The following TAFA1 variants were observed in gnomAD, a reference collection of about 807,000 sequenced individuals.
TAFA1 encodes the protein chemokine-like protein TAFA-1.
A neutral mutation model predicts 18.5 loss-of-function variants in TAFA1; 4 were observed. The ratio of observed to expected loss-of-function variants is 0.22; its 90% CI spans 0.11 to 0.49. The LOEUF is 0.49. TAFA1 is among the 20% of genes least tolerant of loss of function. The pLI is 0.98. For missense variants in TAFA1, 147 were observed against 169.0 expected (o/e 0.87, Z 0.72); for synonymous variants, 56 against 55.2 (o/e 1.01, Z -0.06).
intron 2 of TAFA1, among the ~76,000 whole-genome samples, chr3:68,415,081 G>T (rs1036058266): frequency 1.3e-5 from 2 of 152,140 alleles, no homozygotes; most frequent in African/African-American, 4.8e-5. Flanking sequence ...GAATCCCAGT[G>T]TCGTGCATGG....
At chr3:68,065,685 A>AGAC (rs1553708626) in intron 2 of TAFA1, among the ~76,000 whole-genome samples, 1 of 151,840 alleles carries the variant, frequency 6.6e-6, no homozygotes, top group Non-Finnish European at 1.5e-5. Context: ...GTAGATATAG[A>AGAC]GACGACATAT....
At chr3:68,070,143 A>G (rs914816993) in intron 2 of TAFA1, among the ~76,000 whole-genome samples, 1 of 152,240 alleles carries the variant, frequency 6.6e-6, no homozygotes, top group African/African-American at 2.4e-5. Flanking sequence ...CTGCATTAGC[A>G]GAGGTTTTCC....
chr3:68,018,470 T>C (rs1013508647), intron 2 of TAFA1, among the ~76,000 whole-genome samples: 1 of 152,198 alleles, frequency 6.6e-6, no homozygotes, highest in Non-Finnish European at 1.5e-5. Context: ...TACAACAAAC[T>C]TAATATTTAT....
intron 3 of TAFA1, among the ~76,000 whole-genome samples, chr3:68,457,392 C>T (rs572141464): frequency 6.6e-6 from 1 of 152,266 alleles, no homozygotes; most frequent in African/African-American, 2.4e-5. Context: ...CATGACATAA[C>T]TTTCTTAACA....
chr3:68,474,866 A>G (rs1181048199), intron 3 of TAFA1, among the ~76,000 whole-genome samples: 1 of 152,214 alleles, frequency 6.6e-6, no homozygotes, highest in African/African-American at 2.4e-5. Context: ...TTTGACTACC[A>G]GGACAAAGTT....
chr3:68,031,689 T>C (rs1704938266), intron 2 of TAFA1, among the ~76,000 whole-genome samples: 1 of 152,160 alleles, frequency 6.6e-6, no homozygotes, highest in Non-Finnish European at 1.5e-5. Context: ...GATTAATACA[T>C]GAAACAAGCA....
intron 2 of TAFA1, among the ~76,000 whole-genome samples, chr3:68,309,661 T>C (rs1361756349): frequency 6.6e-6 from 1 of 152,254 alleles, no homozygotes; most frequent in African/African-American, 2.4e-5. Flanking sequence ...TTTAGGATTT[T>C]GTTGGCAGTG....
At chr3:68,303,540 A>C (rs1488553786) in intron 2 of TAFA1, among the ~76,000 whole-genome samples, 1 of 152,068 alleles carries the variant, frequency 6.6e-6, no homozygotes, top group African/African-American at 2.4e-5. Flanking sequence ...TGCCAGGTTC[A>C]CGCCATTCTC....
At chr3:68,038,871 C>G (rs368577054) in intron 2 of TAFA1, among the ~76,000 whole-genome samples, 10 of 152,086 alleles carry the variant, frequency 6.6e-5, no homozygotes, top group African/African-American at 2.4e-4. Context: ...ATGCATAACT[C>G]TATGTGAGTG....
At chr3:68,429,448 C>T (rs9852451) in intron 3 of TAFA1, among the ~76,000 whole-genome samples, 113,186 of 151,692 alleles carry the variant, frequency 0.75, 42,380 homozygotes, top group African/African-American at 0.82. Flanking sequence ...TAGGGATAGA[C>T]ATGGGACCCC....
At chr3:68,240,418 G>A (rs1363949612) in intron 2 of TAFA1, among the ~76,000 whole-genome samples, 1 of 152,168 alleles carries the variant, frequency 6.6e-6, no homozygotes, top group Non-Finnish European at 1.5e-5. Flanking sequence ...GTTGTCATTG[G>A]TCAACTCCAT....
intron 2 of TAFA1, among the ~76,000 whole-genome samples, chr3:68,305,441 A>ACC (rs2106659436): frequency 8.6e-6 from 1 of 116,630 alleles, no homozygotes; most frequent in South Asian, 2.9e-4. Flanking sequence ...ATATATATAT[A>ACC]TATATATATA....
Position 68,263,476 on chromosome 3 carries a change from C to CAA in TAFA1, c.119-153803_119-153802insAA, listed in dbSNP as rs542764987. Among the ~76,000 whole-genome samples the CAA allele has an allele frequency of 2.5e-3, 375 of 151,730 alleles. 1 individual carries two copies. The highest frequency in any genetic ancestry group is 8.8e-3 in the African/African-American group (366 of 41,386). On this transcript the variant is annotated intron_variant, in intron 2 of 4. Transcript: ENST00000478136. ...ACACACACACACACACACACACACA[C>CAA]ACACATTTTGTAAGGGGATACTGAG...
chr3:68,541,081 A>T (rs2073364834), intron 4 of TAFA1, among the ~76,000 whole-genome samples: 1 of 152,200 alleles, frequency 6.6e-6, no homozygotes, highest in Admixed American at 6.5e-5. Flanking sequence ...ACCTGTTCTG[A>T]CGTATACATC....
chr3:68,475,805 A>C (rs1559685013), intron 3 of TAFA1, among the ~76,000 whole-genome samples: 1 of 146,138 alleles, frequency 6.8e-6, no homozygotes, highest in Non-Finnish European at 1.5e-5. Context: ...ATTTCTCCAC[A>C]TCCTCTCCAG....
chr3:68,527,599 G>A (rs1356798142), intron 3 of TAFA1, among the ~76,000 whole-genome samples: 2 of 151,972 alleles, frequency 1.3e-5, no homozygotes, highest in African/African-American at 4.8e-5. Context: ...ATATCCACTA[G>A]TTCTTTTCTC....
At chr3:68,502,283 A>G (rs901159182) in intron 3 of TAFA1, among the ~76,000 whole-genome samples, 3 of 152,144 alleles carry the variant, frequency 2.0e-5, no homozygotes, top group South Asian at 2.1e-4. Flanking sequence ...GATAAGGTTT[A>G]TAATTACTCT....
At chr3:68,077,196 T>C (rs1392333831) in intron 2 of TAFA1, among the ~76,000 whole-genome samples, 1 of 149,564 alleles carries the variant, frequency 6.7e-6, no homozygotes, top group Non-Finnish European at 1.5e-5. Context: ...TCATTGTAGA[T>C]TCTCGATATT....
chr3:68,370,780 G>GT (rs34524243), intron 2 of TAFA1, among the ~76,000 whole-genome samples: 63,405 of 122,082 alleles, frequency 0.52, 17,163 homozygotes, highest in East Asian at 0.95. Context: ...TGTTTTCGTT[G>GT]TTTTTTTTTT....
Sources: allele counts gnomAD v4.1 joint callset (sites outside exome capture counted in the v4.1 genomes callset), GRCh38; gene constraint gnomAD v4.1.1; transcripts MANE v1.5; gene names NCBI Gene and HGNC (gene_info 2026-07-23, HGNC 2026-07-21).